CELF2: variants seen among roughly 807,000 people sequenced by gnomAD.
The protein encoded by CELF2 is CUG triplet repeat RNA-binding protein 2.
CELF2 carries 8 observed loss-of-function variants against 62.6 expected under a neutral mutation model. The ratio of observed to expected loss-of-function variants is 0.13; its 90% CI spans 0.07 to 0.23. The LOEUF is 0.23. Ranked by LOEUF, CELF2 falls within the 10% of genes least tolerant of loss-of-function variation. The probability of loss-of-function intolerance (pLI) is 1.00; values close to 1 mark genes in which losing one functional copy is unlikely to be tolerated. For missense variants in CELF2, 333 were observed against 671.0 expected, an observed-to-expected ratio of 0.50 and a Z score of 5.56; for synonymous variants, 258 against 250.0, an observed-to-expected ratio of 1.03 and a Z score of -0.30.
At chr10:10,528,877 A>T in the CELF2 span, among the ~76,000 whole-genome samples, 1 of 152,184 alleles carries the variant, frequency 6.6e-6, no homozygotes, top group Non-Finnish European at 1.5e-5. Flanking sequence ...TTTTGACGCG[A>T]TTATTTACCA....
chr10:10,579,858 C>G, the CELF2 span, among the ~76,000 whole-genome samples: 1 of 149,850 alleles, frequency 6.7e-6, no homozygotes, highest in Non-Finnish European at 1.5e-5. Context: ...CACACACACA[C>G]ACACATGCAC....
chr10:11,326,423 G>C (rs1228438259), intron 12 of CELF2, among the ~76,000 whole-genome samples: 1 of 152,250 alleles, frequency 6.6e-6, no homozygotes, highest in Non-Finnish European at 1.5e-5. Flanking sequence ...ACGTGCCCGG[G>C]ATGAGCAGTT....
At chr10:10,905,687 C>A (rs1196025091) in intron 1 of CELF2, among the ~76,000 whole-genome samples, 2 of 151,914 alleles carry the variant, frequency 1.3e-5, no homozygotes, top group Non-Finnish European at 2.9e-5. Context: ...ACCATCCTGG[C>A]TAACACGGTG....
chr10:11,019,488 C>T (rs1183203627), intron 1 of CELF2, among the ~76,000 whole-genome samples: 1 of 152,036 alleles, frequency 6.6e-6, no homozygotes, highest in Non-Finnish European at 1.5e-5. Context: ...TAACTTTCCC[C>T]TGCCATGCTA....
intron 1 of CELF2, among the ~76,000 whole-genome samples, chr10:10,818,743 A>AT: frequency 6.6e-6 from 1 of 151,836 alleles, no homozygotes; most frequent in Admixed American, 6.6e-5. Flanking sequence ...TGCCTGGCCA[A>AT]TTTTTGTGTT....
At chr10:11,266,205 G>A (rs1279825505) in intron 5 of CELF2, among the ~76,000 whole-genome samples, 3 of 151,982 alleles carry the variant, frequency 2.0e-5, no homozygotes, top group Non-Finnish European at 2.9e-5. Flanking sequence ...GAAATACAAA[G>A]CCCTGATGTG....
the CELF2 span, among the ~76,000 whole-genome samples, chr10:10,694,725 G>C: frequency 2.6e-5 from 4 of 151,814 alleles, no homozygotes; most frequent in Admixed American, 6.6e-5. Flanking sequence ...ATTTAGGATA[G>C]TTAGCTCTTC....
the CELF2 span, among the ~76,000 whole-genome samples, chr10:10,693,508 G>C: frequency 5.3e-5 from 8 of 150,710 alleles, no homozygotes; most frequent in Non-Finnish European, 1.2e-4. Flanking sequence ...TTTGGTATCA[G>C]AATGATGCTG....
intron 2 of CELF2, among the ~76,000 whole-genome samples, chr10:11,208,721 C>G (rs4750025): frequency 0.98 from 148,530 of 152,300 alleles, 72,534 homozygotes; most frequent in East Asian, 1. Context: ...TTTGGGGAAA[C>G]GGGGTTCTGG....
intron 3 of CELF2, among the ~76,000 whole-genome samples, chr10:11,241,470 G>A (rs1411191817): frequency 6.6e-6 from 1 of 152,238 alleles, no homozygotes; most frequent in African/African-American, 2.4e-5. Flanking sequence ...AAAGTGCTGG[G>A]ATTACAGGTG....
rs528120262 is a variant in CELF2, at chr10:11,280,121, G to A, written c.841+5001G>A. ...GACTTGGGGTGCAGACTGAGGAGGCGCCTGGGAGAGGGGCTGAGATGGGGA... is the reference window on the plus strand; with the variant it reads ...GACTTGGGGTGCAGACTGAGGAGGCACCTGGGAGAGGGGCTGAGATGGGGA... On this transcript the variant is annotated intron_variant, in intron 8 of 12. Coordinates refer to ENST00000633077, the MANE Select transcript of CELF2 (RefSeq NM_001326342.2). The surrounding 1 kb of genome is among the most constrained non-coding windows in gnomAD (Gnocchi z 7.6). 4.3e-4 allele frequency among the ~76,000 whole-genome samples: 65 copies of A among 152,290 alleles called. 1 individual carries two copies. In the Middle Eastern group the frequency reaches 0.017, roughly 40 times the overall value.
At chr10:10,898,304 A>T (rs551418318) in intron 1 of CELF2, among the ~76,000 whole-genome samples, 1 of 152,348 alleles carries the variant, frequency 6.6e-6, no homozygotes, top group East Asian at 1.9e-4. Context: ...TTTCGAGCTG[A>T]TGCTCTTCAG....
chr10:11,026,558 C>T (rs1470027674), intron 1 of CELF2, among the ~76,000 whole-genome samples: 2 of 152,158 alleles, frequency 1.3e-5, no homozygotes, highest in African/African-American at 2.4e-5. Flanking sequence ...GGATTTACTT[C>T]GTTGTTTTGC....
At chr10:11,192,389 C>A (rs1395220653) in intron 2 of CELF2, among the ~76,000 whole-genome samples, 1 of 152,230 alleles carries the variant, frequency 6.6e-6, no homozygotes, top group Non-Finnish European at 1.5e-5. Flanking sequence ...GCTGTTTTTC[C>A]CATGCTGAGT....
chr10:10,886,713 G>A lies in CELF2; in HGVS notation c.54-33251G>A, dbSNP rs143528960. ...TAGCCCAGCATGTGGGTGCATGCCC[G>A]TGGTCCCAGCTACCTGGGAAGCTGA... is the stretch of plus-strand genomic sequence containing the variant. On this transcript the variant is annotated intron_variant, in intron 1 of 13. Coordinates refer to the CELF2 transcript ENST00000636488. Among the ~76,000 whole-genome samples, 387 of 152,242 alleles carry A rather than the reference G, an allele frequency of 2.5e-3. 1 individual carries two copies. The highest frequency in any genetic ancestry group is 8.7e-3 in the African/African-American group (361 of 41,542).
the CELF2 span, among the ~76,000 whole-genome samples, chr10:10,743,347 T>C: frequency 6.6e-6 from 1 of 152,204 alleles, no homozygotes; most frequent in African/African-American, 2.4e-5. Flanking sequence ...GAAGCAGAAA[T>C]GACAAGTTAC....
chr10:10,484,154 CT>C, the CELF2 span, among the ~76,000 whole-genome samples: 4 of 8,170 alleles, frequency 4.9e-4, no homozygotes, highest in African/African-American at 2.4e-3. Context: ...TCCCTCCCCC[CT>C]CCTCTCTCTC....
At chr10:10,701,890 T>C in the CELF2 span, among the ~76,000 whole-genome samples, 1 of 152,246 alleles carries the variant, frequency 6.6e-6, no homozygotes, top group African/African-American at 2.4e-5. Flanking sequence ...CAAGAAATAC[T>C]GTACAAATGA....
Position 11,247,970 on chromosome 10 carries a change from C to G in CELF2, c.355-1183C>G, listed in dbSNP as rs2076123420. Among the ~76,000 whole-genome samples the G allele has an allele frequency of 6.6e-6, 1 of 152,154 alleles. No homozygotes were observed. The highest frequency in any genetic ancestry group is 1.5e-5 in the Non-Finnish European group (1 of 68,030). ...ATTAGGTGCACGTGATCCTGACTGCCTGATGATAATTTCCCATGATGAAAG... is the reference window on the plus strand; with the variant it reads ...ATTAGGTGCACGTGATCCTGACTGCGTGATGATAATTTCCCATGATGAAAG... On this transcript the variant is annotated intron_variant, in intron 3 of 12. Transcript: ENST00000633077. The surrounding 1 kb of genome is among the most constrained non-coding windows in gnomAD (Gnocchi z 5.4).
Sources: allele counts gnomAD v4.1 joint callset (sites outside exome capture counted in the v4.1 genomes callset), GRCh38; gene constraint gnomAD v4.1.1; non-coding constraint Gnocchi (gnomAD v3.1); transcripts MANE v1.5; gene names NCBI Gene and HGNC (gene_info 2026-07-23, HGNC 2026-07-21).